The following CNTNAP5 variants were observed in gnomAD, a reference collection of about 807,000 sequenced individuals.
CNTNAP5 encodes the protein contactin associated protein family member 5, also known as contactin-associated protein-like 5.
Under a neutral mutation model 150.2 loss-of-function variants are expected in CNTNAP5, and 72 were observed. The observed-to-expected ratio is 0.48, with a 90% CI of 0.40 to 0.58. The LOEUF (loss-of-function observed/expected upper bound fraction) is 0.58, where lower values mean the gene tolerates loss of function less well. Ranked by LOEUF, CNTNAP5 falls within the 20% of genes least tolerant of loss-of-function variation. The pLI, the probability that CNTNAP5 is intolerant of heterozygous loss-of-function variation, is 0.00. For missense variants in CNTNAP5, 1,636 were observed against 1,626.2 expected, an observed-to-expected ratio of 1.01 and a Z score of -0.10; for synonymous variants, 672 against 619.8, an observed-to-expected ratio of 1.08 and a Z score of -1.25.
intron 6 of CNTNAP5, among the ~76,000 whole-genome samples, chr2:124,470,588 A>G (rs1454679259): frequency 2.0e-5 from 3 of 152,034 alleles, no homozygotes; most frequent in African/African-American, 7.3e-5. Context: ...CCCATTTGCC[A>G]ATTTTTGCTT....
At chr2:124,286,897 T>C (rs1688167715) in intron 3 of CNTNAP5, among the ~76,000 whole-genome samples, 1 of 152,130 alleles carries the variant, frequency 6.6e-6, no homozygotes, top group South Asian at 2.1e-4. Flanking sequence ...GGGTGGCATG[T>C]AAAGAAGTCG....
rs1313674694 is a variant in CNTNAP5 at position 124,123,096 on chromosome 2, G to A, written c.82+97364G>A. 2.0e-5 allele frequency among the ~76,000 whole-genome samples: 3 copies of A among 152,004 alleles called. No homozygotes were observed. The South Asian group carries it at 6.2e-4, about 31-fold the overall frequency. On this transcript the variant is annotated intron_variant, in intron 1 of 23. Transcript: ENST00000682447. ...CACTGGGTGCAGCCCATGGAGTAGG[G>A]TGAGGCATCACCTCACCCAGGAAGT...
At chr2:124,644,140 C>A (rs564922761) in intron 12 of CNTNAP5, among the ~76,000 whole-genome samples, 1 of 152,348 alleles carries the variant, frequency 6.6e-6, no homozygotes, top group South Asian at 2.1e-4. Flanking sequence ...TCCACCTCCT[C>A]ACCCATCTAA....
At chr2:124,398,068 G>A (rs560015782) in intron 3 of CNTNAP5, among the ~76,000 whole-genome samples, 1 of 152,294 alleles carries the variant, frequency 6.6e-6, no homozygotes, top group African/African-American at 2.4e-5. Context: ...TTTGCACTGT[G>A]ATTTACACAA....
intron 19 of CNTNAP5, among the ~76,000 whole-genome samples, chr2:124,812,698 C>T (rs1251201450): frequency 6.6e-6 from 1 of 152,000 alleles, no homozygotes; most frequent in Non-Finnish European, 1.5e-5. Context: ...TGTAGATCTA[C>T]CTATAACCTG....
chr2:124,532,827 G>A (rs973147929), intron 10 of CNTNAP5, among the ~76,000 whole-genome samples: 2 of 152,196 alleles, frequency 1.3e-5, no homozygotes, highest in Admixed American at 1.3e-4. Flanking sequence ...TGTGCGAGAA[G>A]TCAGGTGTTC....
At chr2:124,216,328 G>A (rs191636402) in intron 1 of CNTNAP5, among the ~76,000 whole-genome samples, 173 of 151,736 alleles carry the variant, frequency 1.1e-3, no homozygotes, top group African/African-American at 3.9e-3. Flanking sequence ...AAAAGGATTT[G>A]CATTTTAAAA....
intron 19 of CNTNAP5, among the ~76,000 whole-genome samples, chr2:124,840,849 A>G (rs960305819): frequency 2.6e-5 from 4 of 152,108 alleles, no homozygotes; most frequent in Non-Finnish European, 2.9e-5. Flanking sequence ...TCTTCCCTGC[A>G]CTTAGCAGGC....
At chr2:124,048,797 C>T (rs1681611972) in intron 1 of CNTNAP5, among the ~76,000 whole-genome samples, 2 of 152,246 alleles carry the variant, frequency 1.3e-5, no homozygotes, top group South Asian at 4.1e-4. Context: ...TTATTTGAGT[C>T]CCCAAGAATG....
chr2:124,773,660 A>G (rs1278258868), intron 17 of CNTNAP5, among the ~76,000 whole-genome samples: 1 of 152,068 alleles, frequency 6.6e-6, no homozygotes, highest in African/African-American at 2.4e-5. Context: ...CATTCCACTC[A>G]TAGTCACTGA....
chr2:124,425,947 A>AT (rs111788537), intron 4 of CNTNAP5, among the ~76,000 whole-genome samples: 43 of 152,318 alleles, frequency 2.8e-4, no homozygotes, highest in African/African-American at 9.6e-4. Flanking sequence ...TGAGTACATT[A>AT]TTTTTGTGTA....
intron 7 of CNTNAP5, 48 bp from the exon 8 acceptor site, chr2:124,504,244 G>C: frequency 3.2e-6 from 5 of 1,579,986 alleles, no homozygotes; most frequent in Non-Finnish European, 4.3e-6. Flanking sequence ...CTGTCAGATT[G>C]CGGAATAAAA....
chr2:124,591,339 TAC>T (rs888666013), intron 11 of CNTNAP5, among the ~76,000 whole-genome samples: 55 of 152,290 alleles, frequency 3.6e-4, no homozygotes, highest in African/African-American at 1.2e-3. Context: ...TCATTTCATA[TAC>T]AGTGGATGGT....
At chr2:124,713,311 TTTCTTTC>T (rs1679866358) in intron 13 of CNTNAP5, among the ~76,000 whole-genome samples, 2 of 100,048 alleles carry the variant, frequency 2.0e-5, no homozygotes, top group Non-Finnish European at 2.2e-5. Context: ...CTTCTTTCTC[TTTCTTTC>T]CTTTCTTTCT....
intron 3 of CNTNAP5, among the ~76,000 whole-genome samples, chr2:124,287,990 C>T (rs888112687): frequency 4.6e-5 from 7 of 152,256 alleles, no homozygotes; most frequent in Middle Eastern, 3.4e-3. Context: ...AGTGCAATAA[C>T]GCAACCTTGG....
chr2:124,418,132 C>A lies in CNTNAP5; in HGVS notation c.529+542C>A, dbSNP rs145428161. ...ATAAAGATTATAAAGATGGGTAGAA[C>A]TAGTGATCACTCTAGAATAAGGTTA... On this transcript the variant is annotated intron_variant, in intron 4 of 23. Coordinates refer to ENST00000682447, the MANE Select transcript of CNTNAP5 (RefSeq NM_001367498.1). 7.1e-3 allele frequency among the ~76,000 whole-genome samples: 1,088 copies of A among 152,328 alleles called. 7 individuals are homozygous for A. Among genetic ancestry groups the A allele is most frequent in the Non-Finnish European group, 0.01 (692 of 68,034 alleles).
At chr2:124,476,849 T>C (rs1693651565) in intron 7 of CNTNAP5, among the ~76,000 whole-genome samples, 1 of 152,102 alleles carries the variant, frequency 6.6e-6, no homozygotes, top group South Asian at 2.1e-4. Context: ...CCTTTCCTCA[T>C]CCTTTGGCTA....
chr2:124,065,343 C>A (rs1682128314), intron 1 of CNTNAP5, among the ~76,000 whole-genome samples: 1 of 152,074 alleles, frequency 6.6e-6, no homozygotes, highest in African/African-American at 2.4e-5. Flanking sequence ...GGTATCATAC[C>A]TGATTCAGAC....
chr2:124,186,242 C>T (rs1302533213), intron 1 of CNTNAP5, among the ~76,000 whole-genome samples: 1 of 152,190 alleles, frequency 6.6e-6, no homozygotes, highest in Non-Finnish European at 1.5e-5. Flanking sequence ...GCTGTGCACA[C>T]ACTGGCTTAC....
Sources: gnomAD v4.1 joint callset for allele counts (sites outside exome capture counted in the v4.1 genomes callset) on GRCh38, gnomAD v4.1.1 for gene constraint, MANE v1.5 for transcripts, NCBI Gene and HGNC (gene_info 2026-07-23, HGNC 2026-07-21) for gene names.